SYN2: variants seen among roughly 807,000 people sequenced by gnomAD.
SYN2 encodes synapsin II.
SYN2 carries 19 observed loss-of-function variants against 50.9 expected under a neutral mutation model. The ratio of observed to expected loss-of-function variants is 0.37; its 90% CI spans 0.26 to 0.55. The LOEUF (loss-of-function observed/expected upper bound fraction) is 0.55. SYN2 is among the 20% of genes least tolerant of loss of function. SYN2 has a pLI of 0.81. For missense variants in SYN2, 587 were observed against 576.4 expected (o/e 1.02, Z -0.19); for synonymous variants, 255 against 224.9 (o/e 1.13, Z -1.20).
At position 12,187,632 on chromosome 3, in the gene SYN2, C is replaced by A; in HGVS notation, c.1613+20C>A. The stretch of plus-strand genomic sequence containing the variant: ...GCTCAAGTAAGAGACAACTCAGCAG[C>A]TCCTCCCTCCCCTCCTCCTACCCTT... On this transcript the variant is annotated intron_variant, in intron 12 of 12. Transcript: ENST00000621198. 1 of 1,525,364 alleles carries A rather than the reference C, an allele frequency of 6.6e-7. No individual in the cohort carries two copies. The highest frequency in any genetic ancestry group is 1.2e-5 in the South Asian group (1 of 81,652). 94.5% of individuals were successfully genotyped at this position (1,525,364 alleles called of 1,614,324 possible).
intron 10 of SYN2, among the ~76,000 whole-genome samples, chr3:12,174,663 G>T (rs1698020595): frequency 6.6e-6 from 1 of 152,028 alleles, no homozygotes; most frequent in Admixed American, 6.5e-5. Flanking sequence ...TTGTATTTTA[G>T]TAGAGACGGG....
At chr3:12,044,232 G>A (rs1281177945) in intron 1 of SYN2, among the ~76,000 whole-genome samples, 2 of 145,418 alleles carry the variant, frequency 1.4e-5, no homozygotes, top group African/African-American at 2.6e-5. Context: ...CAGGTGTGAG[G>A]AGGATTCAAG....
chr3:12,187,347 G>T, intron 11 of SYN2, 22 bp from the exon 12 acceptor site: 1 of 1,504,928 alleles, frequency 6.6e-7, no homozygotes, highest in Non-Finnish European at 8.9e-7. Flanking sequence ...AAATTATGAA[G>T]TTTTTCTTGT....
At chr3:12,112,606 T>C (rs1308974145) in intron 1 of SYN2, among the ~76,000 whole-genome samples, 2 of 152,214 alleles carry the variant, frequency 1.3e-5, no homozygotes, top group Non-Finnish European at 2.9e-5. Flanking sequence ...CTCTAGGTTA[T>C]CACAGTGACC....
intron 1 of SYN2, among the ~76,000 whole-genome samples, chr3:12,023,889 A>G (rs1694199531): frequency 6.6e-6 from 1 of 152,138 alleles, no homozygotes; most frequent in African/African-American, 2.4e-5. Context: ...GAGTGGATAC[A>G]GGGGTGTCTT....
chr3:12,132,893 C>T (rs1696823924), intron 1 of SYN2, among the ~76,000 whole-genome samples: 1 of 152,164 alleles, frequency 6.6e-6, no homozygotes, highest in Non-Finnish European at 1.5e-5. Context: ...TTCCAGGTTC[C>T]TTTACCAGAT....
At chr3:12,079,405 T>C (rs1458829835) in intron 1 of SYN2, among the ~76,000 whole-genome samples, 1 of 152,184 alleles carries the variant, frequency 6.6e-6, no homozygotes, top group African/African-American at 2.4e-5. Context: ...TGCTTACAGC[T>C]TTTGCCCATT....
chr3:12,158,676 G>T, intron 5 of SYN2: 1 of 1,608,708 alleles, frequency 6.2e-7, no homozygotes. Flanking sequence ...ACCCCCTGCT[G>T]TGGACCTCGC....
intron 6 of SYN2, 85 bp downstream of exon 6, chr3:12,161,693 C>T (rs1409151169): frequency 2.8e-6 from 4 of 1,431,310 alleles, no homozygotes; most frequent in Admixed American, 1.7e-5. Context: ...GCTATTCTCC[C>T]TCTGTCACTG....
chr3:12,075,998 T>C (rs1425571453), intron 1 of SYN2, among the ~76,000 whole-genome samples: 1 of 152,152 alleles, frequency 6.6e-6, no homozygotes. Context: ...TCCTGTGAGG[T>C]ATATACTATT....
chr3:12,063,863 A>G (rs1451927080), intron 1 of SYN2, among the ~76,000 whole-genome samples: 1 of 152,036 alleles, frequency 6.6e-6, no homozygotes, highest in Non-Finnish European at 1.5e-5. Flanking sequence ...AAAATCTACC[A>G]TGCAGGATAA....
chr3:12,010,102 A>T (rs1352446949), intron 1 of SYN2, among the ~76,000 whole-genome samples: 1 of 152,218 alleles, frequency 6.6e-6, no homozygotes, highest in South Asian at 2.1e-4. Flanking sequence ...CTCCAAAAAA[A>T]TAAATAAAAT....
At chr3:12,085,086 C>A (rs79622161) in intron 1 of SYN2, among the ~76,000 whole-genome samples, 1 of 134,824 alleles carries the variant, frequency 7.4e-6, no homozygotes. Flanking sequence ...TCTAATCAAA[C>A]GGCATTGAAT....
chr3:12,005,476 G>A (rs993972945), intron 1 of SYN2, among the ~76,000 whole-genome samples: 4 of 151,982 alleles, frequency 2.6e-5, no homozygotes, highest in Admixed American at 1.3e-4. Context: ...ACATGTAGTG[G>A]CCCAGGTGTA....
At chr3:12,008,088 C>T (rs563235763) in intron 1 of SYN2, among the ~76,000 whole-genome samples, 35 of 152,248 alleles carry the variant, frequency 2.3e-4, no homozygotes, top group African/African-American at 7.7e-4. Flanking sequence ...CTTTAATGAT[C>T]GTGCTTAAAC....
chr3:12,070,114 G>A lies in SYN2; in HGVS notation c.377+65186G>A. On this transcript the variant is annotated intron_variant, in intron 1 of 12. Transcript: ENST00000621198. ...TATGCCTGTCTGGTACTCCAGTTTT[G>A]ATATGCATTTTCCTGATGGTTAATG... 4 of 284,752 alleles carry A rather than the reference G, an allele frequency of 1.4e-5. No homozygotes were observed. The South Asian group carries it at 1.4e-4, about 10-fold the overall frequency. The allele number at this position is 284,752 out of a possible 1,614,324, so 17.6% of individuals were successfully genotyped here.
intron 1 of SYN2, among the ~76,000 whole-genome samples, chr3:12,057,943 C>G (rs1451947704): frequency 2.0e-5 from 3 of 152,158 alleles, no homozygotes; most frequent in Non-Finnish European, 4.4e-5. Context: ...GGTCCTCTAT[C>G]TGCATCAAAA....
chr3:12,052,675 A>T lies in SYN2; in HGVS notation c.377+47747A>T, dbSNP rs149548610. On this transcript the variant is annotated intron_variant, in intron 1 of 12. Transcript: ENST00000621198. Reference sequence around the variant, plus strand: ...TCTGGATGGATTGGTAGGAGGAGAGACTAGAGGCGAGAAAACAAGTCAGGA... The same window carrying T: ...TCTGGATGGATTGGTAGGAGGAGAGTCTAGAGGCGAGAAAACAAGTCAGGA... 2.1e-3 allele frequency among the ~76,000 whole-genome samples: 327 copies of T among 152,296 alleles called. 2 individuals carry two copies. The highest frequency in any genetic ancestry group is 7.3e-3 in the African/African-American group (302 of 41,568).
intron 1 of SYN2, among the ~76,000 whole-genome samples, chr3:12,027,552 C>T (rs1468955404): frequency 1.3e-5 from 2 of 152,162 alleles, no homozygotes; most frequent in African/African-American, 4.8e-5. Context: ...ATCCATTTTA[C>T]AAAACACTGA....
Sources: gnomAD v4.1 joint callset for allele counts (sites outside exome capture counted in the v4.1 genomes callset) on GRCh38, gnomAD v4.1.1 for gene constraint, MANE v1.5 for transcripts, NCBI Gene and HGNC (gene_info 2026-07-23, HGNC 2026-07-21) for gene names.